The following KBTBD12 variants were observed in gnomAD, a reference collection of about 807,000 sequenced individuals.
KBTBD12 encodes the protein kelch repeat and BTB domain containing 12.
In KBTBD12, 53 loss-of-function variants were observed where a neutral mutation model predicts 58.7. The ratio of observed to expected loss-of-function variants is 0.90; its 90% confidence interval spans 0.72 to 1.14. The LOEUF (loss-of-function observed/expected upper bound fraction) is 1.14. Among genes scored for constraint, KBTBD12 ranks in the 50% most tolerant of loss-of-function variants. The pLI is 0.00. For missense variants in KBTBD12, 704 were observed against 751.3 expected (o/e 0.94, Z 0.74); for synonymous variants, 236 against 259.8 (o/e 0.91, Z 0.88).
At chr3:127,977,760 C>T (rs1241735429) in intron 5 of KBTBD12, among the ~76,000 whole-genome samples, 1 of 152,148 alleles carries the variant, frequency 6.6e-6, no homozygotes, top group African/African-American at 2.4e-5. Flanking sequence ...CAAATACTTT[C>T]TCCCATTCTA....
intron 5 of KBTBD12, among the ~76,000 whole-genome samples, chr3:127,983,664 A>C (rs1374292442): frequency 6.6e-6 from 1 of 152,056 alleles, no homozygotes; most frequent in Non-Finnish European, 1.5e-5. Flanking sequence ...GAGGCGGGAG[A>C]ATTGCTTGAA....
chr3:127,930,628 C>T (rs907788861), intron 4 of KBTBD12, among the ~76,000 whole-genome samples: 1 of 152,192 alleles, frequency 6.6e-6, no homozygotes, highest in African/African-American at 2.4e-5. Flanking sequence ...TTTGCACCAA[C>T]TGTGATGGAT....
chr3:127,928,071 A>G, intron 3 of KBTBD12, 37 bp downstream of exon 3: 3 of 1,562,034 alleles, frequency 1.9e-6, no homozygotes, highest in Non-Finnish European at 2.6e-6. Context: ...TGGCATGGCT[A>G]TACTGAGTCT....
intron 4 of KBTBD12, among the ~76,000 whole-genome samples, chr3:127,930,493 T>C (rs560162598): frequency 6.6e-6 from 1 of 152,310 alleles, no homozygotes; most frequent in South Asian, 2.1e-4. Context: ...AAAATTATTT[T>C]TATGGCATTT....
chr3:127,919,966 A>G (rs1198071205), intron 1 of KBTBD12, among the ~76,000 whole-genome samples: 2 of 152,222 alleles, frequency 1.3e-5, no homozygotes, highest in Admixed American at 6.5e-5. Context: ...ATACCCACCA[A>G]ACAGCTGGAG....
chr3:127,936,036 A>T (rs1195689381), intron 4 of KBTBD12, among the ~76,000 whole-genome samples: 1 of 152,200 alleles, frequency 6.6e-6, no homozygotes, highest in Non-Finnish European at 1.5e-5. Flanking sequence ...TAAACGTGTC[A>T]TACCTAAAAA....
chr3:127,935,640 T>C (rs1033071060), intron 4 of KBTBD12, among the ~76,000 whole-genome samples: 3 of 151,594 alleles, frequency 2.0e-5, no homozygotes, highest in African/African-American at 7.3e-5. Context: ...ATGTGTTAAA[T>C]ACAAGAGAGG....
At chr3:127,978,881 G>C (rs1940829688) in intron 5 of KBTBD12, among the ~76,000 whole-genome samples, 1 of 152,236 alleles carries the variant, frequency 6.6e-6, no homozygotes, top group Non-Finnish European at 1.5e-5. Flanking sequence ...GGGGCATAAG[G>C]ATGTTGCTGG....
At chr3:127,934,174 C>A (rs1559763605) in intron 4 of KBTBD12, among the ~76,000 whole-genome samples, 1 of 151,946 alleles carries the variant, frequency 6.6e-6, no homozygotes, top group Non-Finnish European at 1.5e-5. Flanking sequence ...AATATATGTT[C>A]AAAGAATTAA....
At chr3:127,930,851 C>G (rs1329748730) in intron 4 of KBTBD12, among the ~76,000 whole-genome samples, 2 of 152,184 alleles carry the variant, frequency 1.3e-5, no homozygotes, top group African/African-American at 4.8e-5. Flanking sequence ...TTCAGTTCCA[C>G]TAAGATGGGT....
chr3:127,976,119 C>T (rs1276926009), intron 5 of KBTBD12, among the ~76,000 whole-genome samples: 1 of 152,204 alleles, frequency 6.6e-6, no homozygotes. Context: ...GCATACATCA[C>T]ACAATTTACA....
At chr3:127,980,679 T>A (rs1194765582) in intron 5 of KBTBD12, among the ~76,000 whole-genome samples, 1 of 152,162 alleles carries the variant, frequency 6.6e-6, no homozygotes, top group Non-Finnish European at 1.5e-5. Context: ...AAACCATCCT[T>A]CTGTGGCCAG....
chr3:127,941,617 C>T (rs948186304), intron 4 of KBTBD12, among the ~76,000 whole-genome samples: 1 of 152,142 alleles, frequency 6.6e-6, no homozygotes, highest in Non-Finnish European at 1.5e-5. Flanking sequence ...GATGGAGTCT[C>T]ACTCTGTTGC....
intron 4 of KBTBD12, among the ~76,000 whole-genome samples, chr3:127,941,003 A>T (rs1939938875): frequency 6.6e-6 from 1 of 152,242 alleles, no homozygotes; most frequent in Admixed American, 6.5e-5. Context: ...AAGCCACCTA[A>T]GATAAAAGAT....
In KBTBD12 at chr3:127,985,817, G is replaced by A. The variant is rs1204983433; in HGVS notation, c.*1539G>A. ...TGCACTCACAGTACCTGGCATGTGG[G>A]TGACCTCTTGGGTGGCCGGCATGGG... On this transcript the variant is annotated 3_prime_UTR_variant, in exon 6 of 6. Coordinates refer to ENST00000405109, the MANE Select transcript of KBTBD12 (RefSeq NM_207335.4). 2.6e-5 allele frequency: 4 copies of A among 152,328 alleles called. No individual in the cohort carries two copies. Among genetic ancestry groups the A allele is most frequent in the Admixed American group, 2.6e-4 (4 of 15,292 alleles). The allele number at this position is 152,328 out of a possible 1,614,324, so 9.4% of individuals were successfully genotyped here.
At chr3:127,983,351 G>T (rs902019126) in intron 5 of KBTBD12, among the ~76,000 whole-genome samples, 1 of 152,190 alleles carries the variant, frequency 6.6e-6, no homozygotes, top group Non-Finnish European at 1.5e-5. Flanking sequence ...GTGGGGCCTA[G>T]TGGGAGGTGT....
intron 4 of KBTBD12, among the ~76,000 whole-genome samples, chr3:127,934,511 T>C (rs1310254869): frequency 6.6e-6 from 1 of 151,690 alleles, no homozygotes; most frequent in Admixed American, 6.6e-5. Context: ...GAGAGAGAAG[T>C]AATAGTCAAA....
chr3:127,983,872 C>A (rs763300650), intron 5 of KBTBD12, among the ~76,000 whole-genome samples: 1 of 152,158 alleles, frequency 6.6e-6, no homozygotes, highest in Non-Finnish European at 1.5e-5. Flanking sequence ...AGCCAAGGCT[C>A]CCACCAGATG....
chr3:127,957,757 T>A (rs993222429), intron 4 of KBTBD12, among the ~76,000 whole-genome samples: 3 of 152,164 alleles, frequency 2.0e-5, no homozygotes, highest in African/African-American at 7.2e-5. Context: ...GTACCCAGTG[T>A]AGAAAGTGTT....
Sources: allele counts gnomAD v4.1 joint callset (sites outside exome capture counted in the v4.1 genomes callset), GRCh38; gene constraint gnomAD v4.1.1; transcripts MANE v1.5; gene names NCBI Gene and HGNC (gene_info 2026-07-23, HGNC 2026-07-21).